ZNF148: variants seen among roughly 807,000 people sequenced by gnomAD.
ZNF148 encodes zinc finger protein 148.
A neutral mutation model predicts 67.7 loss-of-function variants in ZNF148; 7 were observed. The observed-to-expected ratio is 0.10, with a 90% CI of 0.06 to 0.19. The LOEUF (loss-of-function observed/expected upper bound fraction) is 0.19, where lower values mean the gene tolerates loss of function less well. Ranked by LOEUF, ZNF148 falls within the 10% of genes least tolerant of loss-of-function variation. ZNF148 has a pLI of 1.00. For missense variants in ZNF148, 583 were observed against 947.1 expected (o/e 0.62, Z 5.05); for synonymous variants, 333 against 330.7 (o/e 1.01, Z -0.08).
intron 1 of ZNF148, among the ~76,000 whole-genome samples, chr3:125,338,471 CTTT>C (rs918072117): frequency 1.3e-5 from 2 of 151,618 alleles, no homozygotes; most frequent in Non-Finnish European, 2.9e-5. Flanking sequence ...AGTGTCAATT[CTTT>C]GTCATCAAAA....
At chr3:125,313,171 T>G in intron 4 of ZNF148, 137 bp downstream of exon 4, 1 of 575,936 alleles carries the variant, frequency 1.7e-6, no homozygotes, top group Non-Finnish European at 2.8e-6. Flanking sequence ...ATATGATTTA[T>G]GTCAATATTT....
At chr3:125,305,222 A>T (rs919230810) in intron 4 of ZNF148, among the ~76,000 whole-genome samples, 1 of 152,238 alleles carries the variant, frequency 6.6e-6, no homozygotes, top group African/African-American at 2.4e-5. Context: ...AATGGCGAGA[A>T]AACACAGCAT....
chr3:125,276,230 T>C (rs1938054852), intron 7 of ZNF148, among the ~76,000 whole-genome samples: 1 of 152,202 alleles, frequency 6.6e-6, no homozygotes, highest in Non-Finnish European at 1.5e-5. Context: ...TATAGGAATT[T>C]AAATTTAGCT....
At position 125,253,050 on chromosome 3, in the gene ZNF148, C is replaced by T. The variant is rs572832868; in HGVS notation, c.668-18721G>A. Among the ~76,000 whole-genome samples, 6 of 152,308 alleles carry T rather than the reference C, an allele frequency of 3.9e-5. No homozygotes were observed. In the East Asian group the frequency reaches 9.6e-4, roughly 24 times the overall value. On this transcript the variant is annotated intron_variant, in intron 7 of 8. Transcript: ENST00000360647. ...CTCCCCTCTCTCTCTGACACATACG[C>T]ATCTGCTGGTATTTGATATTTTAAC...
chr3:125,353,400 T>G (rs1365257558), intron 1 of ZNF148, among the ~76,000 whole-genome samples: 1 of 151,738 alleles, frequency 6.6e-6, no homozygotes, highest in Non-Finnish European at 1.5e-5. Flanking sequence ...TGGCATAAAA[T>G]TGCTAGAACT....
At chr3:125,273,758 C>A (rs1028582291) in intron 7 of ZNF148, among the ~76,000 whole-genome samples, 1 of 152,028 alleles carries the variant, frequency 6.6e-6, no homozygotes, top group Admixed American at 6.6e-5. Context: ...GGGATTACAG[C>A]GTGAGCCACC....
At chr3:125,347,146 A>G (rs576250767) in intron 1 of ZNF148, among the ~76,000 whole-genome samples, 1 of 152,236 alleles carries the variant, frequency 6.6e-6, no homozygotes, top group African/African-American at 2.4e-5. Flanking sequence ...AAACAGGTAC[A>G]AGACATGTAC....
intron 1 of ZNF148, among the ~76,000 whole-genome samples, chr3:125,333,019 A>T (rs180850639): frequency 6.6e-6 from 1 of 151,472 alleles, no homozygotes; most frequent in South Asian, 2.1e-4. Flanking sequence ...ATGTCTTCAC[A>T]TTATGCATTT....
intron 6 of ZNF148, among the ~76,000 whole-genome samples, chr3:125,278,548 C>T (rs569261348): frequency 2.0e-5 from 3 of 152,050 alleles, no homozygotes; most frequent in Non-Finnish European, 4.4e-5. Flanking sequence ...GTTCTCTAAC[C>T]TCTATCCTCC....
chr3:125,371,143 A>C (rs962589522), intron 1 of ZNF148, among the ~76,000 whole-genome samples: 4 of 150,316 alleles, frequency 2.7e-5, no homozygotes, highest in Non-Finnish European at 5.9e-5. Flanking sequence ...ACTTGAGCCC[A>C]AGAGTGCAAG....
intron 5 of ZNF148, among the ~76,000 whole-genome samples, chr3:125,280,104 A>T (rs553011301): frequency 6.6e-6 from 1 of 152,192 alleles, no homozygotes; most frequent in Non-Finnish European, 1.5e-5. Context: ...TTATTATTAA[A>T]CATATTCCTA....
chr3:125,264,812 T>G (rs1282873437), intron 7 of ZNF148, among the ~76,000 whole-genome samples: 1 of 152,230 alleles, frequency 6.6e-6, no homozygotes. Flanking sequence ...ATAGTAGTAT[T>G]CCTGAGAAAT....
intron 1 of ZNF148, among the ~76,000 whole-genome samples, chr3:125,363,653 C>A (rs1182321457): frequency 5.9e-4 from 90 of 151,362 alleles, no homozygotes; most frequent in Non-Finnish European, 2.5e-4. Flanking sequence ...CTCAATACTT[C>A]ACACTTTTTT....
intron 7 of ZNF148, among the ~76,000 whole-genome samples, chr3:125,270,221 C>T (rs1257713150): frequency 6.6e-6 from 1 of 151,882 alleles, no homozygotes; most frequent in East Asian, 1.9e-4. Context: ...AAAATGCACA[C>T]TGAAGCTAGG....
In ZNF148 at chr3:125,257,895, C is replaced by G. The variant is rs537433549; in HGVS notation, c.667+19831G>C. On this transcript the variant is annotated intron_variant, in intron 7 of 8. Transcript: ENST00000360647. The stretch of plus-strand genomic sequence containing the variant: ...TCATTTCCTATTCTGCCTCCTTCAC[C>G]TTCCCTACCTTTATAGTGTTCCTTC... Among the ~76,000 whole-genome samples, 4 of 152,236 alleles carry G rather than the reference C, an allele frequency of 2.6e-5. No individual in the cohort carries two copies. The East Asian group carries it at 7.7e-4, about 29-fold the overall frequency.
intron 7 of ZNF148, among the ~76,000 whole-genome samples, chr3:125,257,975 T>C (rs574035731): frequency 1.3e-5 from 2 of 152,340 alleles, no homozygotes; most frequent in Non-Finnish European, 2.9e-5. Context: ...ATAGTAGTTC[T>C]AAGACTTTAT....
At chr3:125,241,563 A>G (rs762144674) in intron 7 of ZNF148, among the ~76,000 whole-genome samples, 3 of 152,070 alleles carry the variant, frequency 2.0e-5, no homozygotes, top group South Asian at 4.2e-4. Context: ...TCAACAATGT[A>G]TTTTGGAGAT....
chr3:125,233,303 G>A lies in ZNF148; in HGVS notation c.1423C>T (p.Arg475Trp), dbSNP rs762634520. 1 of 1,613,826 alleles carries A rather than the reference G, an allele frequency of 6.2e-7. No individual in the cohort carries two copies. The highest frequency in any genetic ancestry group is 8.5e-7 in the Non-Finnish European group (1 of 1,179,892). Residue 475 changes from arginine (R) to tryptophan (W), a missense_variant, in exon 9 of 9, where the codon CGG (arginine) becomes TGG (tryptophan). Transcript: ENST00000360647. The surrounding 1 kb of genome is among the most constrained non-coding windows in gnomAD (Gnocchi z 5.1). ...DDAMQFLKKK[R>W]YLQAASNNSR... ...TTGTTACTTGCTGCTTGAAGATACC[G>A]CTTCTTCTTCAAAAACTGCATGGCA... is the stretch of plus-strand genomic sequence containing the variant.
intron 6 of ZNF148, 71 bp from the exon 7 acceptor site, chr3:125,277,880 A>G: frequency 1.5e-6 from 2 of 1,313,996 alleles, no homozygotes; most frequent in Non-Finnish European, 1.0e-6. Context: ...GTTTCTGAGG[A>G]AAGAAAAATC....
Sources: gnomAD v4.1 joint callset for allele counts (sites outside exome capture counted in the v4.1 genomes callset) on GRCh38, gnomAD v4.1.1 for gene constraint, Gnocchi (gnomAD v3.1) non-coding constraint, MANE v1.5 for transcripts, NCBI Gene and HGNC (gene_info 2026-07-23, HGNC 2026-07-21) for gene names.